MARK2: variants seen among roughly 807,000 people sequenced by gnomAD.
MARK2 encodes the protein serine/threonine-protein kinase MARK2.
A neutral mutation model predicts 89.8 loss-of-function variants in MARK2; 16 were observed. The observed-to-expected ratio is 0.18, with a 90% CI of 0.12 to 0.27. The LOEUF is 0.27. MARK2 is among the 10% of genes least tolerant of loss of function. MARK2 has a pLI of 1.00. For missense variants in MARK2, 621 were observed against 1,049.9 expected, an observed-to-expected ratio of 0.59 and a Z score of 5.65; for synonymous variants, 382 against 399.5, an observed-to-expected ratio of 0.96 and a Z score of 0.52.
At chr11:63,859,441 C>T (rs1450840261) in intron 1 of MARK2, among the ~76,000 whole-genome samples, 3 of 151,844 alleles carry the variant, frequency 2.0e-5, no homozygotes, top group African/African-American at 4.8e-5. Context: ...CTGCCTCAGC[C>T]TCCTGAGTAG....
intron 1 of MARK2, among the ~76,000 whole-genome samples, chr11:63,877,845 G>A (rs1272580492): frequency 6.6e-6 from 1 of 152,216 alleles, no homozygotes; most frequent in Non-Finnish European, 1.5e-5. Flanking sequence ...GCAGTGGTTG[G>A]CTTTGAGGGG....
chr11:63,864,248 C>G (rs1937997965), intron 1 of MARK2, among the ~76,000 whole-genome samples: 1 of 150,106 alleles, frequency 6.7e-6, no homozygotes, highest in Non-Finnish European at 1.5e-5. Context: ...GCCGCCACGC[C>G]CAGCCTATTT....
chr11:63,894,926 G>A (rs543149293), intron 1 of MARK2, among the ~76,000 whole-genome samples: 1 of 152,218 alleles, frequency 6.6e-6, no homozygotes, highest in East Asian at 1.9e-4. Flanking sequence ...CTCTGCTCCT[G>A]AGCTTTGCCA....
chr11:63,844,467 G>A (rs2016179212), intron 1 of MARK2, among the ~76,000 whole-genome samples: 1 of 152,144 alleles, frequency 6.6e-6, no homozygotes, highest in South Asian at 2.1e-4. Context: ...CTGGGTGACA[G>A]AGCAAGACAC....
rs1941676320 is a variant in MARK2 at position 63,910,417 on chromosome 11, A to C, written c.*1180A>C. On this transcript the variant is annotated 3_prime_UTR_variant, in exon 19 of 19. Transcript: ENST00000402010. ...AGGGCCGGGAGCGTCTGCCCTCCAC[A>C]GGGTGGGGGACAGATAGGCTAAGCG... 6.6e-6 allele frequency: 1 copy of C among 152,114 alleles called. No homozygotes were observed. The highest frequency in any genetic ancestry group is 1.5e-5 in the Non-Finnish European group (1 of 68,058). The allele number at this position is 152,114 out of a possible 1,614,324, so 9.4% of individuals were successfully genotyped here.
At chr11:63,907,371 C>T (rs908911104) in intron 17 of MARK2, among the ~76,000 whole-genome samples, 7 of 152,308 alleles carry the variant, frequency 4.6e-5, no homozygotes, top group Admixed American at 3.9e-4. Context: ...GCTCCCTGCT[C>T]GCAGTGCGCT....
intron 1 of MARK2, among the ~76,000 whole-genome samples, chr11:63,870,359 C>T (rs148329716): frequency 4.6e-5 from 7 of 152,216 alleles, no homozygotes; most frequent in Non-Finnish European, 1.0e-4. Context: ...AGACATGAGC[C>T]GTGGCGCCCG....
At chr11:63,877,277 AT>A (rs986903106) in intron 1 of MARK2, among the ~76,000 whole-genome samples, 3 of 151,064 alleles carry the variant, frequency 2.0e-5, no homozygotes, top group African/African-American at 7.3e-5. Context: ...CGCCTGGCTG[AT>A]TTTTGTATTT....
chr11:63,852,595 T>C (rs1404943281), intron 1 of MARK2, among the ~76,000 whole-genome samples: 2 of 151,550 alleles, frequency 1.3e-5, no homozygotes, highest in African/African-American at 4.8e-5. Context: ...AACTTGTATG[T>C]TAAAAATACT....
rs111533874 is a variant in MARK2, at chr11:63,857,684, A to G, written c.54+18124A>G. On this transcript the variant is annotated intron_variant, in intron 1 of 18. Coordinates refer to ENST00000402010, the MANE Select transcript of MARK2 (RefSeq NM_001039469.3). The stretch of plus-strand genomic sequence containing the variant: ...ATTTTTCCTCACTTGAATTTCTAAT[A>G]TAGTAAATACTGATAGATAAAATTC... Among the ~76,000 whole-genome samples the G allele has an allele frequency of 2.5e-3, 383 of 152,360 alleles. 1 individual carries two copies. Among genetic ancestry groups the G allele is most frequent in the African/African-American group, 8.6e-3 (359 of 41,590 alleles).
chr11:63,898,137 G>A lies in MARK2; in HGVS notation c.289-95G>A, dbSNP rs79472157. The A allele has an allele frequency of 3.7e-3, 4,174 of 1,117,562 alleles. 119 individuals are homozygous for A. In the African/African-American group the frequency reaches 0.059, roughly 16 times the overall value. The allele number at this position is 1,117,562 out of a possible 1,614,324, so 69.2% of individuals were successfully genotyped here. A position where few individuals can be genotyped will look rare whatever the true frequency, so the allele number is the denominator to read the frequency against. ...ATTTTCTTTTCCCTGCCCGGTTTTGGTTTTTTGGGAAAAACAAATCCTGGC... is the reference window on the plus strand; with the variant it reads ...ATTTTCTTTTCCCTGCCCGGTTTTGATTTTTTGGGAAAAACAAATCCTGGC... On this transcript the variant is annotated intron_variant, in intron 3 of 18. Coordinates refer to ENST00000402010, the MANE Select transcript of MARK2 (RefSeq NM_001039469.3).
chr11:63,844,765 A>C (rs1057278090), intron 1 of MARK2, among the ~76,000 whole-genome samples: 1 of 152,164 alleles, frequency 6.6e-6, no homozygotes, highest in African/African-American at 2.4e-5. Flanking sequence ...CTCAGACTAG[A>C]TTGTTTCCCC....
chr11:63,864,540 G>A (rs539834583), intron 1 of MARK2, among the ~76,000 whole-genome samples: 2 of 151,868 alleles, frequency 1.3e-5, no homozygotes, highest in African/African-American at 4.8e-5. Context: ...GATTACAGGC[G>A]TGAGCCACCG....
chr11:63,850,385 T>C (rs1030446127), intron 1 of MARK2, among the ~76,000 whole-genome samples: 1 of 144,872 alleles, frequency 6.9e-6, no homozygotes, highest in Non-Finnish European at 1.5e-5. Flanking sequence ...ACCAGGCTGG[T>C]CTTGAACTCC....
At chr11:63,882,413 G>A (rs1427714610) in intron 1 of MARK2, among the ~76,000 whole-genome samples, 1 of 151,906 alleles carries the variant, frequency 6.6e-6, no homozygotes, top group African/African-American at 2.4e-5. Context: ...GAGAAACCCT[G>A]TCTCTACTAA....
chr11:63,845,179 G>A (rs2135194839), intron 1 of MARK2, among the ~76,000 whole-genome samples: 1 of 152,292 alleles, frequency 6.6e-6, no homozygotes, highest in African/African-American at 2.4e-5. Flanking sequence ...CAGTAACCAG[G>A]ACAAGCCCCT....
At chr11:63,842,869 A>T (rs2016090205) in intron 1 of MARK2, among the ~76,000 whole-genome samples, 1 of 152,178 alleles carries the variant, frequency 6.6e-6, no homozygotes, top group Non-Finnish European at 1.5e-5. Flanking sequence ...GTGGCTGATG[A>T]GAACCTGTTT....
Position 63,845,454 on chromosome 11 carries a change from C to A in MARK2, c.54+5894C>A, listed in dbSNP as rs368233616. On this transcript the variant is annotated intron_variant, in intron 1 of 18. Transcript: ENST00000402010. ...TTGATGGGAGATTCCAGTATTTGTA[C>A]GTTTTGTGCTTGTAGCTTGGATTCT... is the stretch of plus-strand genomic sequence containing the variant. Among the ~76,000 whole-genome samples the A allele has an allele frequency of 1.6e-4, 24 of 152,254 alleles. No homozygotes were observed. The East Asian group carries it at 4.3e-3, about 27-fold the overall frequency.
Position 63,902,565 on chromosome 11 carries a change from T to C in MARK2, c.1235-36T>C, listed in dbSNP as rs767354422. The C allele has an allele frequency of 1.3e-6, 2 of 1,593,772 alleles. No homozygotes were observed. Among genetic ancestry groups the C allele is most frequent in the African/African-American group, 2.7e-5 (2 of 74,584 alleles). On this transcript the variant is annotated intron_variant, in intron 12 of 18. Transcript: ENST00000402010. This position sits in a 1 kb window ranked among gnomAD's most constrained non-coding sequence, Gnocchi z 4.2. ...GTGGGGCTGGCACTCAGTGGACCCCTTGGCCTTACCCATTCCCATCCTCCC... is the reference window on the plus strand; with the variant it reads ...GTGGGGCTGGCACTCAGTGGACCCCCTGGCCTTACCCATTCCCATCCTCCC...
Sources: gnomAD v4.1 joint callset for allele counts (sites outside exome capture counted in the v4.1 genomes callset) on GRCh38, gnomAD v4.1.1 for gene constraint, Gnocchi (gnomAD v3.1) non-coding constraint, MANE v1.5 for transcripts, NCBI Gene and HGNC (gene_info 2026-07-23, HGNC 2026-07-21) for gene names.